ZNF469: variants seen among roughly 807,000 people sequenced by gnomAD.
ZNF469 encodes the protein zinc finger protein 469.
ZNF469 carries 1 observed loss-of-function variant against 1.0 expected under a neutral mutation model. The ratio of observed to expected loss-of-function variants is 1.00; its 90% CI spans 0.35 to 4.73. The LOEUF (loss-of-function observed/expected upper bound fraction) is 4.73. Among genes scored for constraint, ZNF469 ranks in the 30% most tolerant of loss-of-function variants. The probability of loss-of-function intolerance (pLI) is 0.16; values close to 1 mark genes in which losing one functional copy is unlikely to be tolerated. For missense variants in ZNF469, 6,100 were observed against 5,356.3 expected (o/e 1.14, Z -4.33); for synonymous variants, 2,703 against 2,363.4 (o/e 1.14, Z -4.17).
chr16:88,436,079 C>A lies in ZNF469; in HGVS notation c.8609C>A (p.Thr2870Asn). 1 of 1,549,968 alleles carries A rather than the reference C, an allele frequency of 6.5e-7. No homozygotes were observed. The highest frequency in any genetic ancestry group is 8.7e-7 in the Non-Finnish European group (1 of 1,146,976). Residue 2870 changes from threonine (T) to asparagine (N), a missense_variant, in exon 3 of 3, where the codon ACT becomes AAT. Transcript: ENST00000565624. ...SQLFPPGGRL[T>N]RKRNPHVYGK... ...CTCTTCCCTCCAGGCGGTCGCTTGA[C>A]TAGAAAGAGGAACCCGCATGTCTAC...
the ZNF469 span, among the ~76,000 whole-genome samples, chr16:88,288,659 C>A: frequency 6.6e-6 from 1 of 152,194 alleles, no homozygotes; most frequent in Non-Finnish European, 1.5e-5. Context: ...AGACGGGACC[C>A]CTGATACTGT....
At chr16:88,256,831 T>TCTTCCTTC in the ZNF469 span, among the ~76,000 whole-genome samples, 155 of 145,214 alleles carry the variant, frequency 1.1e-3, 3 homozygotes, top group African/African-American at 3.8e-3. Flanking sequence ...CTCTTTTCTT[T>TCTTCCTTC]CTTCCTTCCT....
At chr16:88,250,202 C>T in the ZNF469 span, among the ~76,000 whole-genome samples, 6 of 152,334 alleles carry the variant, frequency 3.9e-5, no homozygotes, top group Admixed American at 1.3e-4. Context: ...ACTGCACCTC[C>T]GTGGGACTTC....
the ZNF469 span, among the ~76,000 whole-genome samples, chr16:88,275,411 C>A: frequency 1.3e-5 from 2 of 152,134 alleles, no homozygotes; most frequent in South Asian, 4.1e-4. Context: ...GCTGAGTTAG[C>A]TGGAGTTAGC....
the ZNF469 span, among the ~76,000 whole-genome samples, chr16:88,368,583 T>G: frequency 1.3e-5 from 2 of 150,692 alleles, no homozygotes; most frequent in Non-Finnish European, 3.0e-5. Flanking sequence ...TGGGAGAGTT[T>G]GTGGTCTGGA....
At chr16:88,173,149 G>A in the ZNF469 span, among the ~76,000 whole-genome samples, 1 of 152,146 alleles carries the variant, frequency 6.6e-6, no homozygotes, top group African/African-American at 2.4e-5. Context: ...AATACCAAAA[G>A]AGCCACATCA....
chr16:88,112,772 C>CTTTTTTTTTTTTTTTTTT, the ZNF469 span, among the ~76,000 whole-genome samples: 2 of 73,484 alleles, frequency 2.7e-5, 1 homozygote, highest in African/African-American at 1.2e-4. Flanking sequence ...TGTGCAGAAG[C>CTTTTTTTTTTTTTTTTTT]TTTTTTTTTT....
At position 88,434,761 on chromosome 16, in the gene ZNF469, C is replaced by T. The variant is rs904233607; in HGVS notation, c.7291C>T (p.His2431Tyr). 3.2e-6 allele frequency: 5 copies of T among 1,550,286 alleles called. No individual in the cohort carries two copies. The highest frequency in any genetic ancestry group is 2.0e-5 in the Admixed American group (1 of 50,990). ...CCCCCAAAGCCACAGAAATGCCTCC[C>T]ACCAGACTCCCCAGGGGGACCCCCT... The part of the protein sequence containing the change: ...DSPQSHRNAS[H>Y]QTPQGDPLGP... The change falls in exon 3 of 3, where the codon CAC becomes TAC. Residue 2431 changes from histidine (H) to tyrosine (Y), a missense_variant. Physicochemically the swap from His to Tyr is moderately conservative, Grantham distance 83 (BLOSUM62 2). Coordinates refer to ENST00000565624, the MANE Select transcript of ZNF469 (RefSeq NM_001367624.2).
At chr16:88,145,680 GC>G in the ZNF469 span, among the ~76,000 whole-genome samples, 1 of 152,260 alleles carries the variant, frequency 6.6e-6, no homozygotes, top group African/African-American at 2.4e-5. Context: ...TCCTGGCTGG[GC>G]TTTCACGTCC....
the ZNF469 span, among the ~76,000 whole-genome samples, chr16:88,324,111 G>C: frequency 6.6e-6 from 1 of 152,228 alleles, no homozygotes; most frequent in African/African-American, 2.4e-5. Context: ...CCACATGGCT[G>C]GCCAGGGGCC....
At chr16:88,353,641 C>T in the ZNF469 span, among the ~76,000 whole-genome samples, 40 of 152,332 alleles carry the variant, frequency 2.6e-4, no homozygotes, top group Admixed American at 2.0e-3. Context: ...TCGTGGTGAA[C>T]GGTGGCTCCC....
the ZNF469 span, among the ~76,000 whole-genome samples, chr16:88,303,520 G>T: frequency 6.6e-6 from 1 of 152,166 alleles, no homozygotes; most frequent in African/African-American, 2.4e-5. Flanking sequence ...CTCCACTGCC[G>T]GGAGGAACAT....
At chr16:88,306,301 G>A in the ZNF469 span, among the ~76,000 whole-genome samples, 3 of 152,250 alleles carry the variant, frequency 2.0e-5, no homozygotes, top group African/African-American at 7.2e-5. Flanking sequence ...GCATCTCCTT[G>A]TCAGTAAGGG....
chr16:88,208,287 C>A, the ZNF469 span, among the ~76,000 whole-genome samples: 2 of 151,720 alleles, frequency 1.3e-5, no homozygotes, highest in Non-Finnish European at 2.9e-5. Context: ...TTCCCTGTTG[C>A]GTGCTGCAAT....
chr16:88,185,527 CCA>C, the ZNF469 span, among the ~76,000 whole-genome samples: 1 of 149,420 alleles, frequency 6.7e-6, no homozygotes, highest in African/African-American at 2.5e-5. Context: ...ATACATGTGA[CCA>C]GACCCACACC....
the ZNF469 span, among the ~76,000 whole-genome samples, chr16:88,268,562 G>T: frequency 6.6e-6 from 1 of 152,216 alleles, no homozygotes; most frequent in African/African-American, 2.4e-5. Context: ...CTCCTGGGTA[G>T]AGTGAGATCC....
At chr16:88,349,823 C>T in the ZNF469 span, among the ~76,000 whole-genome samples, 2 of 131,148 alleles carry the variant, frequency 1.5e-5, no homozygotes, top group African/African-American at 5.7e-5. Flanking sequence ...CAAATGCACA[C>T]ACACGAGGCA....
chr16:88,417,094 C>G (rs1905321766), intron 1 of ZNF469, among the ~76,000 whole-genome samples: 1 of 152,236 alleles, frequency 6.6e-6, no homozygotes, highest in Non-Finnish European at 1.5e-5. Flanking sequence ...AGAGCTGCTG[C>G]TTGGCACATG....
chr16:88,271,212 C>T, the ZNF469 span, among the ~76,000 whole-genome samples: 7,006 of 150,708 alleles, frequency 0.046, 537 homozygotes, highest in African/African-American at 0.16. Flanking sequence ...TGACGTTAGT[C>T]ACCGTCATCA....
Sources: allele counts gnomAD v4.1 joint callset (sites outside exome capture counted in the v4.1 genomes callset), GRCh38; gene constraint gnomAD v4.1.1; transcripts MANE v1.5; gene names NCBI Gene and HGNC (gene_info 2026-07-23, HGNC 2026-07-21).